Variants in RSPO2 observed in about 807,000 individuals in gnomAD.
The protein encoded by RSPO2 is R-spondin-2.
Under a neutral mutation model 30.9 loss-of-function variants are expected in RSPO2, and 14 were observed. The observed-to-expected ratio is 0.45, with a 90% CI of 0.30 to 0.71. The LOEUF (loss-of-function observed/expected upper bound fraction) is 0.71, where lower values mean the gene tolerates loss of function less well. RSPO2 is among the 30% of genes least tolerant of loss of function. The pLI, the probability that RSPO2 is intolerant of heterozygous loss-of-function variation, is 0.08. For synonymous variants in RSPO2, 107 were observed against 96.4 expected, an observed-to-expected ratio of 1.11 and a Z score of -0.64; for missense variants, 264 against 301.9, an observed-to-expected ratio of 0.87 and a Z score of 0.93.
Position 107,900,780 on chromosome 8 carries a change from T to C in RSPO2, c.*295A>G. 3.5e-6 allele frequency: 1 copy of C among 288,206 alleles called. No individual in the cohort carries two copies. The highest frequency in any genetic ancestry group is 6.4e-6 in the Non-Finnish European group (1 of 155,904). The allele number at this position is 288,206 out of a possible 1,614,324, so 17.9% of individuals were successfully genotyped here. ...TAGGCACAAGTCCGTCCTCCAGCGG[T>C]GTTCTGCAGCCTCACACCTCTAGCA... On this transcript the variant is annotated 3_prime_UTR_variant, in exon 6 of 6. Coordinates refer to ENST00000276659, the MANE Select transcript of RSPO2 (RefSeq NM_178565.5).
At chr8:108,052,672 G>A (rs1309387711) in intron 2 of RSPO2, among the ~76,000 whole-genome samples, 2 of 152,040 alleles carry the variant, frequency 1.3e-5, no homozygotes, top group Non-Finnish European at 2.9e-5. Flanking sequence ...CAAGGGCTCG[G>A]CACACACCAT....
chr8:108,041,882 A>G (rs1243130091), intron 2 of RSPO2, among the ~76,000 whole-genome samples: 2 of 152,120 alleles, frequency 1.3e-5, no homozygotes, highest in Admixed American at 1.3e-4. Flanking sequence ...GGAAGGGAGT[A>G]GGATAATAAA....
rs1329632077 is a variant in RSPO2, at chr8:108,043,730, C to G, written c.94+38815G>C. 4.6e-5 allele frequency among the ~76,000 whole-genome samples: 7 copies of G among 152,064 alleles called. No individual in the cohort carries two copies. In the South Asian group the frequency reaches 1.5e-3, roughly 32 times the overall value. ...TGGCTGAACTTTACAACTGTGATAG[C>G]CAGGCAAGAAGCAAAGGAATGTAAA... On this transcript the variant is annotated intron_variant, in intron 2 of 5. Transcript: ENST00000276659.
chr8:108,066,626 C>A (rs542197485), intron 2 of RSPO2, among the ~76,000 whole-genome samples: 1 of 152,032 alleles, frequency 6.6e-6, no homozygotes, highest in African/African-American at 2.4e-5. Flanking sequence ...TAAGAACCTG[C>A]AATTAAAATG....
At chr8:108,064,310 C>CA (rs907967327) in intron 2 of RSPO2, among the ~76,000 whole-genome samples, 85 of 150,986 alleles carry the variant, frequency 5.6e-4, no homozygotes, top group African/African-American at 1.7e-3. Flanking sequence ...CCAGAATCTA[C>CA]AAAAAAAACA....
At chr8:107,929,123 G>C (rs981198222) in intron 5 of RSPO2, among the ~76,000 whole-genome samples, 1 of 152,160 alleles carries the variant, frequency 6.6e-6, no homozygotes. Context: ...GGTAGTAGAC[G>C]TCTCTCTTCC....
At chr8:107,940,762 G>C (rs983237429) in intron 5 of RSPO2, among the ~76,000 whole-genome samples, 4 of 152,230 alleles carry the variant, frequency 2.6e-5, no homozygotes, top group African/African-American at 9.6e-5. Flanking sequence ...TCATTTAATG[G>C]AAACAGCTAT....
At chr8:108,065,197 C>G (rs1212399096) in intron 2 of RSPO2, among the ~76,000 whole-genome samples, 1 of 150,418 alleles carries the variant, frequency 6.6e-6, no homozygotes, top group Admixed American at 6.6e-5. Context: ...ACTACAACAC[C>G]TAGATGACGT....
intron 3 of RSPO2, among the ~76,000 whole-genome samples, chr8:107,981,185 G>A (rs1251323194): frequency 6.6e-6 from 1 of 151,998 alleles, no homozygotes; most frequent in Non-Finnish European, 1.5e-5. Context: ...TAAATACCTA[G>A]ACTTTTTTTT....
At chr8:107,937,158 T>TG (rs998927327) in intron 5 of RSPO2, among the ~76,000 whole-genome samples, 4 of 151,572 alleles carry the variant, frequency 2.6e-5, no homozygotes, top group South Asian at 2.1e-4. Flanking sequence ...TCAGTTGTTT[T>TG]TTTTTTTTTT....
chr8:107,945,241 CT>C (rs754722790), intron 5 of RSPO2, among the ~76,000 whole-genome samples: 2,529 of 74,702 alleles, frequency 0.034, 14 homozygotes, highest in African/African-American at 0.13. Flanking sequence ...ATTCTTTTAC[CT>C]TTTTTTTTTT....
intron 2 of RSPO2, among the ~76,000 whole-genome samples, chr8:108,051,891 T>C (rs1405905944): frequency 6.6e-6 from 1 of 152,194 alleles, no homozygotes; most frequent in Non-Finnish European, 1.5e-5. Context: ...CTTAAGGGGT[T>C]TGGCATGGGT....
At chr8:107,941,160 T>C (rs1236949185) in intron 5 of RSPO2, among the ~76,000 whole-genome samples, 1 of 152,132 alleles carries the variant, frequency 6.6e-6, no homozygotes, top group Admixed American at 6.6e-5. Flanking sequence ...ATACCAATCA[T>C]ATCCCGACTC....
intron 2 of RSPO2, among the ~76,000 whole-genome samples, chr8:107,998,042 C>CAG (rs1815090480): frequency 6.6e-6 from 1 of 152,186 alleles, no homozygotes; most frequent in South Asian, 2.1e-4. Context: ...GGGCTGTTGG[C>CAG]ATCTTAGCCT....
chr8:107,930,422 T>G (rs894424458), intron 5 of RSPO2, among the ~76,000 whole-genome samples: 3 of 152,198 alleles, frequency 2.0e-5, no homozygotes, highest in Non-Finnish European at 2.9e-5. Context: ...CAGGCTCTAT[T>G]AATCAGATCT....
At chr8:107,992,379 A>C (rs1312111463) in intron 2 of RSPO2, among the ~76,000 whole-genome samples, 3 of 152,098 alleles carry the variant, frequency 2.0e-5, no homozygotes, top group Non-Finnish European at 4.4e-5. Context: ...ACATAGAGGG[A>C]AACAACAGAC....
intron 5 of RSPO2, among the ~76,000 whole-genome samples, chr8:107,909,799 C>T (rs554594050): frequency 6.6e-6 from 1 of 152,242 alleles, no homozygotes; most frequent in South Asian, 2.1e-4. Context: ...CTTTTTCTTA[C>T]ATTTTAGCAA....
chr8:107,938,981 G>A (rs1282104592), intron 5 of RSPO2, among the ~76,000 whole-genome samples: 1 of 152,204 alleles, frequency 6.6e-6, no homozygotes, highest in Non-Finnish European at 1.5e-5. Flanking sequence ...TCAAAATAAA[G>A]CCTTGAATCA....
At chr8:108,072,012 A>G (rs994556455) in intron 2 of RSPO2, among the ~76,000 whole-genome samples, 1 of 152,160 alleles carries the variant, frequency 6.6e-6, no homozygotes, top group African/African-American at 2.4e-5. Context: ...GGAATGACAG[A>G]TACCATAGTT....
Sources: gnomAD v4.1 joint callset for allele counts (sites outside exome capture counted in the v4.1 genomes callset) on GRCh38, gnomAD v4.1.1 for gene constraint, MANE v1.5 for transcripts, NCBI Gene and HGNC (gene_info 2026-07-23, HGNC 2026-07-21) for gene names.